The following ARHGAP24 variants were observed in gnomAD, a reference collection of about 807,000 sequenced individuals.
The protein encoded by ARHGAP24 is Rho GTPase activating protein 24, also known as rho GTPase-activating protein 24.
In ARHGAP24, 50 loss-of-function variants were observed where a neutral mutation model predicts 76.4. The observed-to-expected ratio is 0.65, with a 90% CI of 0.52 to 0.83. The LOEUF (loss-of-function observed/expected upper bound fraction) is 0.83, where lower values mean the gene tolerates loss of function less well. ARHGAP24 is among the 40% of genes least tolerant of loss of function. ARHGAP24 has a pLI of 0.00. For missense variants in ARHGAP24, 930 were observed against 914.2 expected, an observed-to-expected ratio of 1.02 and a Z score of -0.22; for synonymous variants, 345 against 323.3, an observed-to-expected ratio of 1.07 and a Z score of -0.72.
intron 3 of ARHGAP24, among the ~76,000 whole-genome samples, chr4:85,865,307 A>G (rs1031757507): frequency 6.6e-6 from 1 of 151,892 alleles, no homozygotes; most frequent in African/African-American, 2.4e-5. Flanking sequence ...TTGGCAGGTA[A>G]GGTAAAATCA....
At chr4:85,920,843 A>G (rs1036394289) in intron 3 of ARHGAP24, among the ~76,000 whole-genome samples, 1 of 152,232 alleles carries the variant, frequency 6.6e-6, no homozygotes, top group Non-Finnish European at 1.5e-5. Flanking sequence ...CACCAGTCAG[A>G]ATGGCTATTA....
intron 1 of ARHGAP24, among the ~76,000 whole-genome samples, chr4:85,494,338 G>A (rs1236816037): frequency 2.0e-5 from 3 of 151,770 alleles, no homozygotes; most frequent in Non-Finnish European, 4.4e-5. Context: ...TGTTCTCATT[G>A]TTCAACACCC....
chr4:85,888,035 C>T (rs1733662412), intron 3 of ARHGAP24, among the ~76,000 whole-genome samples: 2 of 152,050 alleles, frequency 1.3e-5, no homozygotes, highest in African/African-American at 4.8e-5. Flanking sequence ...ATCAATCTTA[C>T]CTATGACCTC....
In ARHGAP24 at chr4:85,860,160, A is replaced by G. The variant is rs1731807026; in HGVS notation, c.269-63488A>G. Among the ~76,000 whole-genome samples, 4 of 152,126 alleles carry G rather than the reference A, an allele frequency of 2.6e-5. No homozygotes were observed. In the South Asian group the frequency reaches 8.3e-4, roughly 31 times the overall value. On this transcript the variant is annotated intron_variant, in intron 3 of 9. Coordinates refer to ENST00000395184, the MANE Select transcript of ARHGAP24 (RefSeq NM_001025616.3). ...GTATTAATATGGCAGAAACAGGGCC[A>G]GGAAGCTTATATTTAGAATGAATTA... is the stretch of plus-strand genomic sequence containing the variant.
intron 3 of ARHGAP24, among the ~76,000 whole-genome samples, chr4:85,790,512 A>G (rs1175273788): frequency 1.3e-5 from 2 of 152,218 alleles, no homozygotes; most frequent in African/African-American, 2.4e-5. Context: ...GTTTCAATTT[A>G]TACCTGAAAT....
chr4:85,765,849 G>A lies in ARHGAP24; in HGVS notation c.268+43877G>A, dbSNP rs866352268. On this transcript the variant is annotated intron_variant, in intron 3 of 9. Transcript: ENST00000395184. The stretch of plus-strand genomic sequence containing the variant: ...AACACGAGATCTCACATACAGCACA[G>A]TTCTTTGGTTATAAAGGCTGAAAGC... Among the ~76,000 whole-genome samples the A allele has an allele frequency of 2.1e-4, 32 of 152,178 alleles. 1 individual carries two copies. Among genetic ancestry groups the A allele is most frequent in the Admixed American group, 1.8e-3 (28 of 15,278 alleles).
At chr4:85,764,209 T>C (rs1477307715) in intron 3 of ARHGAP24, among the ~76,000 whole-genome samples, 1 of 152,128 alleles carries the variant, frequency 6.6e-6, no homozygotes, top group Non-Finnish European at 1.5e-5. Context: ...TTTTTATTTT[T>C]ACCTCTTCAT....
chr4:85,930,009 G>A (rs1006993483), intron 4 of ARHGAP24, among the ~76,000 whole-genome samples: 4 of 152,314 alleles, frequency 2.6e-5, no homozygotes, highest in South Asian at 2.1e-4. Flanking sequence ...AGTTTGTACC[G>A]TAGCGTGGCA....
In ARHGAP24 at chr4:85,551,207, A is replaced by G. The variant is rs1412134242; in HGVS notation, c.-20-19315A>G. Among the ~76,000 whole-genome samples the G allele has an allele frequency of 3.3e-5, 5 of 152,178 alleles. No homozygotes were observed. In the South Asian group the frequency reaches 6.2e-4, roughly 19 times the overall value. On this transcript the variant is annotated intron_variant, in intron 1 of 9. Coordinates refer to ENST00000395184, the MANE Select transcript of ARHGAP24 (RefSeq NM_001025616.3). ...TATTATTTTAAAGTATGTTTGTTCA[A>G]TGCCTAGTTTGTTGAGGGTTTTAAC...
intron 3 of ARHGAP24, among the ~76,000 whole-genome samples, chr4:85,791,387 T>G (rs1249130295): frequency 6.6e-6 from 1 of 152,152 alleles, no homozygotes; most frequent in African/African-American, 2.4e-5. Context: ...ACTAAGTGAT[T>G]AAGATTTGAA....
chr4:85,663,963 T>C (rs551247203), intron 2 of ARHGAP24, among the ~76,000 whole-genome samples: 1 of 152,070 alleles, frequency 6.6e-6, no homozygotes, highest in East Asian at 1.9e-4. Context: ...TCATCAAGGA[T>C]ATTGGTCTAA....
At chr4:85,930,761 G>A (rs1464250573) in intron 4 of ARHGAP24, 20 of 1,383,270 alleles carry the variant, frequency 1.4e-5, no homozygotes, top group Non-Finnish European at 1.8e-5. Context: ...GTAAATGAGA[G>A]GTGGTAACTT....
At chr4:85,867,473 C>G (rs949189359) in intron 3 of ARHGAP24, among the ~76,000 whole-genome samples, 1 of 152,084 alleles carries the variant, frequency 6.6e-6, no homozygotes. Context: ...TGGTGACAAA[C>G]TCTACTTAGT....
intron 4 of ARHGAP24, among the ~76,000 whole-genome samples, chr4:85,933,150 C>T (rs1185800730): frequency 6.6e-6 from 1 of 152,122 alleles, no homozygotes; most frequent in Non-Finnish European, 1.5e-5. Flanking sequence ...TCTCCCAAGC[C>T]TGTCCGAGAA....
chr4:85,492,249 G>GC (rs1426464903), intron 1 of ARHGAP24, among the ~76,000 whole-genome samples: 1 of 151,690 alleles, frequency 6.6e-6, no homozygotes, highest in African/African-American at 2.4e-5. Context: ...GTGTTTATTG[G>GC]CCCTCTTTCT....
chr4:85,968,420 A>G (rs532188573), intron 5 of ARHGAP24, among the ~76,000 whole-genome samples: 1 of 152,160 alleles, frequency 6.6e-6, no homozygotes, highest in Non-Finnish European at 1.5e-5. Flanking sequence ...CAAAGATGGC[A>G]CTTTCTTTTA....
At chr4:85,734,036 C>T (rs1046484555) in intron 3 of ARHGAP24, among the ~76,000 whole-genome samples, 1 of 152,170 alleles carries the variant, frequency 6.6e-6, no homozygotes, top group African/African-American at 2.4e-5. Flanking sequence ...CCACCCTACT[C>T]CTCAAAGAAA....
intron 3 of ARHGAP24, among the ~76,000 whole-genome samples, chr4:85,821,190 G>A (rs1209150916): frequency 6.6e-6 from 1 of 152,108 alleles, no homozygotes; most frequent in Non-Finnish European, 1.5e-5. Flanking sequence ...TAGGCATACT[G>A]TACAGGTGAT....
rs79402607 is a variant in ARHGAP24 at position 85,818,641 on chromosome 4, G to A, written c.268+96669G>A. Among the ~76,000 whole-genome samples the A allele has an allele frequency of 9.5e-3, 1,448 of 152,246 alleles. 27 individuals carry two copies. The highest frequency in any genetic ancestry group is 0.033 in the African/African-American group (1,353 of 41,536). ...GGTGTCACCTGGTCCTTTTAAATGC[G>A]TCCCTCTGCTCCTGATATTGCTGAC... is the stretch of plus-strand genomic sequence containing the variant. On this transcript the variant is annotated intron_variant, in intron 3 of 9. Coordinates refer to ENST00000395184, the MANE Select transcript of ARHGAP24 (RefSeq NM_001025616.3).
Sources: gnomAD v4.1 joint callset for allele counts (sites outside exome capture counted in the v4.1 genomes callset) on GRCh38, gnomAD v4.1.1 for gene constraint, MANE v1.5 for transcripts, NCBI Gene and HGNC (gene_info 2026-07-23, HGNC 2026-07-21) for gene names.